Variants in DSCAM observed in about 807,000 individuals in gnomAD.
DSCAM encodes the protein DS cell adhesion molecule.
DSCAM carries 47 observed loss-of-function variants against 217.7 expected under a neutral mutation model. The observed-to-expected ratio is 0.22, with a 90% confidence interval of 0.17 to 0.28. DSCAM has a LOEUF of 0.28. DSCAM is among the 10% of genes least tolerant of loss of function. The probability of loss-of-function intolerance (pLI) is 1.00; values close to 1 mark genes in which losing one functional copy is unlikely to be tolerated. For missense variants in DSCAM, 2,080 were observed against 2,618.3 expected (o/e 0.79, Z 4.49); for synonymous variants, 1,056 against 1,015.3 (o/e 1.04, Z -0.76).
At chr21:40,321,452 T>C (rs2074258126) in intron 8 of DSCAM, among the ~76,000 whole-genome samples, 1 of 152,168 alleles carries the variant, frequency 6.6e-6, no homozygotes, top group South Asian at 2.1e-4. Flanking sequence ...AATAAAAGCG[T>C]TCCTAGTTGT....
rs1251959613 is a variant in DSCAM, at chr21:40,144,777, A to G, written c.3019-46T>C. 6.2e-7 allele frequency: 1 copy of G among 1,608,720 alleles called. No individual in the cohort carries two copies. The highest frequency in any genetic ancestry group is 1.7e-5 in the Admixed American group (1 of 59,844). On this transcript the variant is annotated intron_variant, in intron 16 of 32. Coordinates refer to ENST00000400454, the MANE Select transcript of DSCAM (RefSeq NM_001389.5). The surrounding 1 kb of genome is among the most constrained non-coding windows in gnomAD (Gnocchi z 4.8). ...CACACTAAAGAAGTCTTGAGGTAGGACAAGAGCGAAATCAACGCCCACACC... is the reference window on the plus strand; with the variant it reads ...CACACTAAAGAAGTCTTGAGGTAGGGCAAGAGCGAAATCAACGCCCACACC...
chr21:40,111,653 G>T (rs188232021), intron 20 of DSCAM, among the ~76,000 whole-genome samples: 1,664 of 152,236 alleles, frequency 0.011, 35 homozygotes, highest in African/African-American at 0.038. Context: ...CCATCAGTGT[G>T]CTGTATTCAG....
At chr21:40,130,732 T>C (rs867058065) in intron 19 of DSCAM, among the ~76,000 whole-genome samples, 5 of 152,324 alleles carry the variant, frequency 3.3e-5, no homozygotes, top group South Asian at 2.1e-4. Flanking sequence ...AATCTTTAGA[T>C]AGTGGTAGAG....
intron 3 of DSCAM, among the ~76,000 whole-genome samples, chr21:40,486,322 C>G (rs1476676290): frequency 3.9e-5 from 6 of 152,134 alleles, no homozygotes; most frequent in Admixed American, 3.3e-4. Context: ...CTGGTCCTTC[C>G]CCTCTTGACT....
intron 3 of DSCAM, among the ~76,000 whole-genome samples, chr21:40,489,527 C>A (rs574611909): frequency 1.3e-5 from 2 of 152,170 alleles, no homozygotes; most frequent in Admixed American, 1.3e-4. Flanking sequence ...GTAATCCCAG[C>A]ACTTTGGGAG....
At chr21:40,634,748 G>A (rs760587419) in intron 3 of DSCAM, among the ~76,000 whole-genome samples, 1 of 152,188 alleles carries the variant, frequency 6.6e-6, no homozygotes, top group East Asian at 1.9e-4. Context: ...CTTCAGCACA[G>A]GCACGTGGTG....
chr21:40,239,907 G>T (rs1470665991), intron 11 of DSCAM, among the ~76,000 whole-genome samples: 1 of 152,164 alleles, frequency 6.6e-6, no homozygotes, highest in East Asian at 1.9e-4. Flanking sequence ...TACATACGCA[G>T]GGGCCTCTCC....
At chr21:40,794,201 TAA>T (rs2091671337) in intron 1 of DSCAM, among the ~76,000 whole-genome samples, 1 of 152,222 alleles carries the variant, frequency 6.6e-6, no homozygotes, top group South Asian at 2.1e-4. Flanking sequence ...AAATTGAGTT[TAA>T]GTTTCTAATT....
chr21:40,233,040 G>A (rs978405019), intron 11 of DSCAM, among the ~76,000 whole-genome samples: 2 of 152,052 alleles, frequency 1.3e-5, no homozygotes, highest in East Asian at 3.9e-4. Context: ...CTTCACGTGA[G>A]ATAACGGAGA....
At chr21:40,625,160 A>C (rs998701374) in intron 3 of DSCAM, among the ~76,000 whole-genome samples, 2 of 152,200 alleles carry the variant, frequency 1.3e-5, no homozygotes, top group Non-Finnish European at 2.9e-5. Flanking sequence ...AGTAACCTGA[A>C]AAAATGAGAG....
At chr21:40,675,041 A>G (rs999223226) in intron 3 of DSCAM, among the ~76,000 whole-genome samples, 1 of 150,632 alleles carries the variant, frequency 6.6e-6, no homozygotes, top group African/African-American at 2.5e-5. Context: ...ATGCACGCGC[A>G]CACACGTACA....
Position 40,276,254 on chromosome 21 carries a change from C to A in DSCAM, c.2199G>T (p.Gln733His), listed in dbSNP as rs981314585. 6.2e-7 allele frequency: 1 copy of A among 1,602,242 alleles called. No individual in the cohort carries two copies. Among genetic ancestry groups the A allele is most frequent in the Non-Finnish European group, 8.5e-7 (1 of 1,175,582 alleles). The change falls in exon 11 of 33, where the codon CAG (glutamine) becomes CAT (histidine). Residue 733 changes from glutamine to histidine, a missense_variant. Gln to His is a conservative substitution (Grantham distance 24). Around this residue, in one of 5 missense-constraint regions of DSCAM, gnomAD observed 218 missense variants for 364.1 expected, o/e 0.60. Transcript: ENST00000400454. Reference protein sequence around the residue: ...WKFSKGAGVPQFQPIALNGRI... With the variant: ...WKFSKGAGVPHFQPIALNGRI... ...GGCCATTTAGGGCAATTGGCTGGAA[C>A]TGGGGAACCCCAGCACCTGAGACAG...
intron 11 of DSCAM, among the ~76,000 whole-genome samples, chr21:40,191,355 G>C (rs374553152): frequency 5.6e-4 from 86 of 152,298 alleles, no homozygotes; most frequent in African/African-American, 2.0e-3. Context: ...ACTCAAGAAA[G>C]AGGTGCCAAG....
At chr21:40,640,201 G>A (rs972929861) in intron 3 of DSCAM, among the ~76,000 whole-genome samples, 1 of 119,220 alleles carries the variant, frequency 8.4e-6, no homozygotes, top group Non-Finnish European at 1.9e-5. Context: ...AAAACTATGG[G>A]AAGGTGGGAC....
intron 3 of DSCAM, among the ~76,000 whole-genome samples, chr21:40,427,933 T>C (rs2075491363): frequency 6.6e-6 from 1 of 152,242 alleles, no homozygotes; most frequent in African/African-American, 2.4e-5. Flanking sequence ...CAAATGATAC[T>C]GATTAATCAG....
chr21:40,690,236 G>A (rs1439542326), intron 3 of DSCAM, among the ~76,000 whole-genome samples: 6 of 152,108 alleles, frequency 3.9e-5, no homozygotes, highest in Non-Finnish European at 2.9e-5. Flanking sequence ...CTGGGAACAG[G>A]GTCTGACTGT....
intron 3 of DSCAM, among the ~76,000 whole-genome samples, chr21:40,516,208 G>T (rs1160131828): frequency 6.6e-6 from 1 of 151,924 alleles, no homozygotes; most frequent in African/African-American, 2.4e-5. Context: ...TTTAATAACT[G>T]CTTGGTTTTA....
At chr21:40,109,653 G>T (rs2089869359) in intron 20 of DSCAM, among the ~76,000 whole-genome samples, 1 of 152,248 alleles carries the variant, frequency 6.6e-6, no homozygotes. Context: ...GGGTTCAGGG[G>T]ATTCCCTTTC....
At chr21:40,422,460 T>C (rs1459563513) in intron 3 of DSCAM, among the ~76,000 whole-genome samples, 1 of 118,030 alleles carries the variant, frequency 8.5e-6, no homozygotes, top group Non-Finnish European at 2.0e-5. Flanking sequence ...TGAAACTCCA[T>C]CTCTACTAAA....
Sources: allele counts gnomAD v4.1 joint callset (sites outside exome capture counted in the v4.1 genomes callset), GRCh38; gene constraint gnomAD v4.1.1; regional missense constraint gnomAD v4.1.1; non-coding constraint Gnocchi (gnomAD v3.1); transcripts MANE v1.5; gene names NCBI Gene and HGNC (gene_info 2026-07-23, HGNC 2026-07-21).